NAA11: variants seen among roughly 807,000 people sequenced by gnomAD.
NAA11 encodes the protein N-alpha-acetyltransferase 11.
A neutral mutation model predicts 16.1 loss-of-function variants in NAA11; 15 were observed. The observed-to-expected ratio is 0.93, with a 90% CI of 0.62 to 1.44. The LOEUF is 1.44. NAA11 is among the 40% of genes most tolerant of loss of function. The probability of loss-of-function intolerance (pLI) is 0.00; values close to 1 mark genes in which losing one functional copy is unlikely to be tolerated. For missense variants in NAA11, 298 were observed against 291.3 expected (o/e 1.02, Z -0.17); for synonymous variants, 122 against 112.4 (o/e 1.09, Z -0.54).
the NAA11 span, among the ~76,000 whole-genome samples, chr4:79,192,130 C>T: frequency 9.2e-5 from 14 of 152,026 alleles, no homozygotes; most frequent in African/African-American, 2.2e-4. Context: ...CCTCCAGCTT[C>T]GTTCTTTTTG....
intron 2 of NAA11, among the ~76,000 whole-genome samples, chr4:79,259,278 C>G (rs1293293879): frequency 6.6e-6 from 1 of 152,212 alleles, no homozygotes; most frequent in Non-Finnish European, 1.5e-5. Flanking sequence ...GTGACTCTCT[C>G]TTTTGGACCC....
chr4:79,201,352 G>A, the NAA11 span, among the ~76,000 whole-genome samples: 1 of 151,708 alleles, frequency 6.6e-6, no homozygotes, highest in East Asian at 1.9e-4. Context: ...CACATTGAAT[G>A]TACCAGCAGT....
the NAA11 span, among the ~76,000 whole-genome samples, chr4:79,202,274 G>A: frequency 5.9e-5 from 9 of 151,584 alleles, no homozygotes; most frequent in South Asian, 1.7e-3. Context: ...CCATAAAGGA[G>A]AATAAAATTC....
chr4:79,156,538 C>A, the NAA11 span, among the ~76,000 whole-genome samples: 2 of 152,096 alleles, frequency 1.3e-5, no homozygotes, highest in Admixed American at 1.3e-4. Context: ...GGAGGTCAGC[C>A]TTTTGTTCAG....
At chr4:79,165,042 T>C in the NAA11 span, among the ~76,000 whole-genome samples, 5 of 152,230 alleles carry the variant, frequency 3.3e-5, no homozygotes, top group African/African-American at 1.2e-4. Flanking sequence ...CCTGCTGCCA[T>C]GCCAATTACT....
intron 2 of NAA11, among the ~76,000 whole-genome samples, chr4:79,242,314 A>G (rs548047084): frequency 1.3e-5 from 2 of 152,294 alleles, no homozygotes. Context: ...GTTTCAGTCC[A>G]CCTGCACTTT....
At chr4:79,322,337 A>T (rs960658722) in intron 1 of NAA11, among the ~76,000 whole-genome samples, 1 of 152,170 alleles carries the variant, frequency 6.6e-6, no homozygotes. Flanking sequence ...GAAACAGTTC[A>T]ATTATTCTTG....
At chr4:79,193,414 G>A in the NAA11 span, among the ~76,000 whole-genome samples, 1 of 152,136 alleles carries the variant, frequency 6.6e-6, no homozygotes, top group Non-Finnish European at 1.5e-5. Context: ...AGGTGTAAAG[G>A]AAGGGATCCA....
At chr4:79,319,187 T>TAA in intron 1 of NAA11, among the ~76,000 whole-genome samples, 1 of 152,286 alleles carries the variant, frequency 6.6e-6, no homozygotes, top group South Asian at 2.1e-4. Context: ...CTTGGCCTCC[T>TAA]AAAGTGCTGG....
intron 1 of NAA11, among the ~76,000 whole-genome samples, chr4:79,324,648 C>T (rs1187447785): frequency 8.5e-5 from 13 of 152,094 alleles, no homozygotes. Flanking sequence ...CTGTGCACTT[C>T]CTGTTGCATA....
intron 2 of NAA11, among the ~76,000 whole-genome samples, chr4:79,266,193 C>G (rs193045324): frequency 2.5e-3 from 386 of 152,292 alleles, no homozygotes; most frequent in Non-Finnish European, 3.8e-3. Context: ...AAGCCCTGCA[C>G]ATCCAAAGTC....
the NAA11 span, among the ~76,000 whole-genome samples, chr4:79,185,475 G>A: frequency 6.6e-6 from 1 of 152,150 alleles, no homozygotes; most frequent in Non-Finnish European, 1.5e-5. Flanking sequence ...CTGGTTGAAA[G>A]GATGCTGAGA....
At chr4:79,165,583 T>C in the NAA11 span, among the ~76,000 whole-genome samples, 1 of 152,218 alleles carries the variant, frequency 6.6e-6, no homozygotes, top group Non-Finnish European at 1.5e-5. Context: ...AATTGGATAA[T>C]GAATCAGTAA....
chr4:79,183,814 C>T, the NAA11 span, among the ~76,000 whole-genome samples: 3 of 152,026 alleles, frequency 2.0e-5, no homozygotes, highest in Non-Finnish European at 4.4e-5. Context: ...TGCAGTGTAC[C>T]TTTTCCGCTA....
At chr4:79,210,557 T>TCC in the NAA11 span, among the ~76,000 whole-genome samples, 2 of 152,140 alleles carry the variant, frequency 1.3e-5, no homozygotes, top group Non-Finnish European at 2.9e-5. Context: ...ATGAAATTTA[T>TCC]CAACTACTTA....
intron 1 of NAA11, among the ~76,000 whole-genome samples, chr4:79,295,613 G>A (rs1164001812): frequency 6.6e-6 from 1 of 151,962 alleles, no homozygotes; most frequent in Non-Finnish European, 1.5e-5. Context: ...AATATCCCCT[G>A]TGCTAAACAC....
intron 2 of NAA11, among the ~76,000 whole-genome samples, chr4:79,236,868 T>C (rs1056268228): frequency 6.6e-6 from 1 of 152,136 alleles, no homozygotes; most frequent in Non-Finnish European, 1.5e-5. Context: ...TAATGGTGCA[T>C]AGTCCACCAT....
chr4:79,294,892 A>C (rs2109996081), intron 1 of NAA11, among the ~76,000 whole-genome samples: 1 of 152,288 alleles, frequency 6.6e-6, no homozygotes, highest in African/African-American at 2.4e-5. Context: ...TTTTTGTATA[A>C]TTTACGCCTA....
chr4:79,248,599 C>T (rs1721900886), intron 2 of NAA11, among the ~76,000 whole-genome samples: 1 of 152,158 alleles, frequency 6.6e-6, no homozygotes, highest in Non-Finnish European at 1.5e-5. Flanking sequence ...TCTACCCCTG[C>T]ATTGATACCA....
Sources: allele counts gnomAD v4.1 joint callset (sites outside exome capture counted in the v4.1 genomes callset), GRCh38; gene constraint gnomAD v4.1.1; transcripts MANE v1.5; gene names NCBI Gene and HGNC (gene_info 2026-07-23, HGNC 2026-07-21).